Variants in ERBB4 observed in about 807,000 individuals in gnomAD.
The protein encoded by ERBB4 is erb-b2 receptor tyrosine kinase 4, also known as receptor tyrosine-protein kinase erbB-4.
In ERBB4, 42 loss-of-function variants were observed where a neutral mutation model predicts 158.0. The ratio of observed to expected loss-of-function variants is 0.27; its 90% CI spans 0.21 to 0.34. The LOEUF (loss-of-function observed/expected upper bound fraction) is 0.34, where lower values mean the gene tolerates loss of function less well. Ranked by LOEUF, ERBB4 falls within the 10% of genes least tolerant of loss-of-function variation. The pLI is 1.00. For missense variants in ERBB4, 1,333 were observed against 1,624.1 expected (o/e 0.82, Z 3.08); for synonymous variants, 583 against 558.7 (o/e 1.04, Z -0.61).
chr2:211,817,871 T>C (rs2076911955), intron 3 of ERBB4, among the ~76,000 whole-genome samples: 1 of 152,128 alleles, frequency 6.6e-6, no homozygotes, highest in South Asian at 2.1e-4. Context: ...TTCCACAAGA[T>C]GGAAAGAATT....
chr2:212,094,809 T>C lies in ERBB4; in HGVS notation c.234+29943A>G, dbSNP rs539033685. 5.3e-5 allele frequency among the ~76,000 whole-genome samples: 8 copies of C among 152,260 alleles called. No homozygotes were observed. In the East Asian group the frequency reaches 1.4e-3, roughly 26 times the overall value. On this transcript the variant is annotated intron_variant, in intron 2 of 27. Coordinates refer to ENST00000342788, the MANE Select transcript of ERBB4 (RefSeq NM_005235.3). The stretch of plus-strand genomic sequence containing the variant: ...GGTATTCCTTGATAAAGACACAAAA[T>C]GGACTAACATAGTCCATAAATAAAA...
At chr2:211,787,752 A>C (rs1308238267) in intron 4 of ERBB4, among the ~76,000 whole-genome samples, 1 of 152,186 alleles carries the variant, frequency 6.6e-6, no homozygotes, top group African/African-American at 2.4e-5. Flanking sequence ...TGGAACACAC[A>C]TTTGTACATT....
intron 3 of ERBB4, among the ~76,000 whole-genome samples, chr2:211,887,652 A>G (rs1211839927): frequency 1.3e-5 from 2 of 152,182 alleles, no homozygotes; most frequent in Non-Finnish European, 2.9e-5. Context: ...GGTTGTTCAT[A>G]TTCAGGAACC....
At chr2:211,733,893 C>T (rs937800859) in intron 5 of ERBB4, among the ~76,000 whole-genome samples, 1 of 147,386 alleles carries the variant, frequency 6.8e-6, no homozygotes, top group Non-Finnish European at 1.5e-5. Context: ...CCAGCCTGGC[C>T]AACATGAAGA....
At chr2:211,517,156 A>G (rs989211126) in intron 20 of ERBB4, among the ~76,000 whole-genome samples, 3 of 152,154 alleles carry the variant, frequency 2.0e-5, no homozygotes, top group African/African-American at 7.2e-5. Context: ...AGCTTATGGT[A>G]CTGGGAATTA....
intron 1 of ERBB4, among the ~76,000 whole-genome samples, chr2:212,344,187 A>C (rs1157644339): frequency 2.0e-5 from 3 of 152,276 alleles, no homozygotes; most frequent in African/African-American, 7.2e-5. Flanking sequence ...AGTGCTCAAA[A>C]ATAGAGAGTT....
intron 1 of ERBB4, among the ~76,000 whole-genome samples, chr2:212,161,869 A>T (rs1157655904): frequency 2.0e-5 from 3 of 151,864 alleles, no homozygotes; most frequent in Admixed American, 6.6e-5. Flanking sequence ...TTATCATAAC[A>T]TATATGATCT....
At chr2:211,939,900 T>C (rs1376819662) in intron 3 of ERBB4, among the ~76,000 whole-genome samples, 4 of 150,964 alleles carry the variant, frequency 2.6e-5, no homozygotes, top group Non-Finnish European at 5.9e-5. Context: ...TGAGCTGAGA[T>C]TGTGCCACTA....
chr2:211,394,450 C>A (rs2062868501), intron 25 of ERBB4, among the ~76,000 whole-genome samples: 1 of 152,138 alleles, frequency 6.6e-6, no homozygotes, highest in Non-Finnish European at 1.5e-5. Context: ...ATAATTGAAC[C>A]TTTTCCTCAT....
chr2:211,880,515 G>C (rs1158389739), intron 3 of ERBB4, among the ~76,000 whole-genome samples: 2 of 151,964 alleles, frequency 1.3e-5, no homozygotes, highest in Non-Finnish European at 2.9e-5. Context: ...TCTTCAAAAA[G>C]TTTGTGAAAA....
chr2:211,479,787 G>C (rs553440172), intron 20 of ERBB4, among the ~76,000 whole-genome samples: 1 of 152,006 alleles, frequency 6.6e-6, no homozygotes, highest in African/African-American at 2.4e-5. Flanking sequence ...CAAAATACTG[G>C]GGCAAAATAT....
intron 2 of ERBB4, among the ~76,000 whole-genome samples, chr2:212,025,151 C>T (rs755712548): frequency 1.3e-5 from 2 of 151,708 alleles, no homozygotes; most frequent in Non-Finnish European, 3.0e-5. Flanking sequence ...CACGGTAACT[C>T]CTTGAAGAAT....
chr2:211,726,772 G>A (rs190173812), intron 5 of ERBB4, among the ~76,000 whole-genome samples: 38 of 152,130 alleles, frequency 2.5e-4, no homozygotes, highest in Admixed American at 2.0e-3. Context: ...GTAAGCCAAC[G>A]CCTATAAATC....
intron 25 of ERBB4, among the ~76,000 whole-genome samples, chr2:211,399,688 G>C (rs1475712425): frequency 6.6e-6 from 1 of 152,100 alleles, no homozygotes; most frequent in East Asian, 1.9e-4. Flanking sequence ...TTCTGAATGC[G>C]ATGAACATTT....
intron 1 of ERBB4, among the ~76,000 whole-genome samples, chr2:212,425,317 G>A (rs913355880): frequency 8.4e-6 from 1 of 119,286 alleles, no homozygotes. Flanking sequence ...TAATATATAT[G>A]TGTTGGATAA....
chr2:211,988,964 C>T (rs1171209971), intron 2 of ERBB4, among the ~76,000 whole-genome samples: 2 of 151,996 alleles, frequency 1.3e-5, no homozygotes, highest in Non-Finnish European at 2.9e-5. Flanking sequence ...TGAATTTTAA[C>T]AGCATTTCTC....
chr2:212,145,837 G>A (rs2080651459), intron 1 of ERBB4, among the ~76,000 whole-genome samples: 1 of 150,952 alleles, frequency 6.6e-6, no homozygotes. Context: ...ACTCTTTGGT[G>A]TCTATTATCT....
intron 4 of ERBB4, among the ~76,000 whole-genome samples, chr2:211,767,729 G>A (rs1359401256): frequency 6.6e-6 from 1 of 152,070 alleles, no homozygotes; most frequent in African/African-American, 2.4e-5. Flanking sequence ...AGCAGCATGA[G>A]GGTAACAGCC....
At chr2:211,417,085 T>G (rs2063410150) in intron 25 of ERBB4, among the ~76,000 whole-genome samples, 1 of 152,296 alleles carries the variant, frequency 6.6e-6, no homozygotes, top group South Asian at 2.1e-4. Flanking sequence ...ATTTTACAGA[T>G]ATAGAGCACG....
Sources: gnomAD v4.1 joint callset for allele counts (sites outside exome capture counted in the v4.1 genomes callset) on GRCh38, gnomAD v4.1.1 for gene constraint, MANE v1.5 for transcripts, NCBI Gene and HGNC (gene_info 2026-07-23, HGNC 2026-07-21) for gene names.